The following LRMDA variants were observed in gnomAD, a reference collection of about 807,000 sequenced individuals.
LRMDA encodes the protein leucine rich melanocyte differentiation associated.
Under a neutral mutation model 29.8 loss-of-function variants are expected in LRMDA, and 18 were observed. The ratio of observed to expected loss-of-function variants is 0.60; its 90% CI spans 0.42 to 0.90. The LOEUF is 0.90. Among genes scored for constraint, LRMDA ranks in the 40% least tolerant of loss-of-function variants. The pLI is 0.00. For synonymous variants in LRMDA, 125 were observed against 109.4 expected (o/e 1.14, Z -0.89); for missense variants, 273 against 273.9 (o/e 1.00, Z 0.02).
chr10:75,631,856 A>G (rs1277281566), intron 2 of LRMDA, among the ~76,000 whole-genome samples: 1 of 152,154 alleles, frequency 6.6e-6, no homozygotes, highest in Non-Finnish European at 1.5e-5. Flanking sequence ...TCTGGAGGGT[A>G]AAGCTGTTTC....
chr10:75,837,085 T>C (rs1231056383), intron 2 of LRMDA, among the ~76,000 whole-genome samples: 1 of 152,174 alleles, frequency 6.6e-6, no homozygotes, highest in East Asian at 1.9e-4. Context: ...TTGATATAGA[T>C]ATAGATATTG....
intron 5 of LRMDA, among the ~76,000 whole-genome samples, chr10:76,264,895 T>C (rs563158758): frequency 6.6e-6 from 1 of 152,298 alleles, no homozygotes; most frequent in South Asian, 2.1e-4. Flanking sequence ...CCTGAAACTG[T>C]CTGTGATAGT....
intron 6 of LRMDA, among the ~76,000 whole-genome samples, chr10:76,357,270 G>A (rs1391703401): frequency 6.6e-6 from 1 of 152,106 alleles, no homozygotes; most frequent in Admixed American, 6.5e-5. Flanking sequence ...GGATCTGAGT[G>A]GGACTCAGAA....
chr10:76,216,599 A>G (rs1564688986), intron 5 of LRMDA, among the ~76,000 whole-genome samples: 2 of 152,232 alleles, frequency 1.3e-5, no homozygotes, highest in Non-Finnish European at 2.9e-5. Flanking sequence ...GGAATTAAAA[A>G]GGAAATGTAA....
chr10:76,111,346 C>T (rs1344781799), intron 5 of LRMDA, among the ~76,000 whole-genome samples: 1 of 152,266 alleles, frequency 6.6e-6, no homozygotes, highest in East Asian at 1.9e-4. Flanking sequence ...CAGCATAATG[C>T]TTGGACGAAG....
chr10:76,222,900 A>C (rs2132260307), intron 5 of LRMDA, among the ~76,000 whole-genome samples: 1 of 152,310 alleles, frequency 6.6e-6, no homozygotes, highest in South Asian at 2.1e-4. Context: ...GATTAAGAAA[A>C]TGTGGCACAT....
chr10:75,540,328 C>T (rs1327228558), intron 2 of LRMDA, among the ~76,000 whole-genome samples: 1 of 152,198 alleles, frequency 6.6e-6, no homozygotes, highest in Non-Finnish European at 1.5e-5. Context: ...GTTTGAGTAA[C>T]AGCAAAGCAA....
intron 6 of LRMDA, among the ~76,000 whole-genome samples, chr10:76,423,042 C>T (rs968392926): frequency 5.3e-5 from 8 of 152,172 alleles, no homozygotes; most frequent in Admixed American, 1.3e-4. Flanking sequence ...ATGCAAAAGA[C>T]GTGAATGTCC....
intron 6 of LRMDA, among the ~76,000 whole-genome samples, chr10:76,530,810 G>A (rs762806330): frequency 5.3e-5 from 8 of 152,214 alleles, no homozygotes; most frequent in East Asian, 1.9e-4. Flanking sequence ...GAGCTAGACC[G>A]TACTCCACGT....
intron 5 of LRMDA, among the ~76,000 whole-genome samples, chr10:76,303,633 T>C (rs2132365485): frequency 6.6e-6 from 1 of 152,222 alleles, no homozygotes; most frequent in South Asian, 2.1e-4. Context: ...GCTAATAAAA[T>C]TGTTGAACTC....
chr10:75,886,544 A>C (rs1352229041), intron 2 of LRMDA, among the ~76,000 whole-genome samples: 3 of 151,948 alleles, frequency 2.0e-5, no homozygotes, highest in African/African-American at 7.3e-5. Context: ...ATAATCACAT[A>C]TTTTCTATGT....
intron 5 of LRMDA, among the ~76,000 whole-genome samples, chr10:76,313,115 C>T (rs1046392755): frequency 6.6e-6 from 1 of 152,058 alleles, no homozygotes; most frequent in African/African-American, 2.4e-5. Context: ...ATTTGTGTCC[C>T]AGCTCTGCCA....
intron 5 of LRMDA, among the ~76,000 whole-genome samples, chr10:76,065,714 T>C (rs1245833767): frequency 6.6e-6 from 1 of 152,242 alleles, no homozygotes; most frequent in Non-Finnish European, 1.5e-5. Context: ...ATTGCATTGT[T>C]TGTCTAAAAC....
chr10:76,297,119 G>T (rs1454637324), intron 5 of LRMDA, among the ~76,000 whole-genome samples: 1 of 152,188 alleles, frequency 6.6e-6, no homozygotes, highest in Non-Finnish European at 1.5e-5. Context: ...CCTTCTGCCT[G>T]TTCTCATGGC....
intron 2 of LRMDA, among the ~76,000 whole-genome samples, chr10:75,670,148 A>G (rs752519092): frequency 6.6e-6 from 1 of 152,220 alleles, no homozygotes; most frequent in Non-Finnish European, 1.5e-5. Context: ...TAATGTTCCT[A>G]CTTTGTCACT....
chr10:75,750,923 G>A (rs898681710), intron 2 of LRMDA, among the ~76,000 whole-genome samples: 2 of 152,174 alleles, frequency 1.3e-5, no homozygotes, highest in Non-Finnish European at 2.9e-5. Context: ...TGGCGGCCGG[G>A]CAGAGGCTGC....
chr10:75,992,996 T>G (rs11001568), intron 2 of LRMDA, among the ~76,000 whole-genome samples: 38,539 of 152,056 alleles, frequency 0.25, 5,267 homozygotes, highest in South Asian at 0.44. Flanking sequence ...AAATGAAAAT[T>G]AATAAGGTGG....
chr10:75,889,236 C>T (rs181303066), intron 2 of LRMDA, among the ~76,000 whole-genome samples: 9 of 152,252 alleles, frequency 5.9e-5, no homozygotes, highest in Admixed American at 3.3e-4. Context: ...ATGTAATCTC[C>T]CAAGCATGTG....
intron 2 of LRMDA, among the ~76,000 whole-genome samples, chr10:75,877,233 T>G (rs1845213296): frequency 6.6e-6 from 1 of 152,230 alleles, no homozygotes; most frequent in South Asian, 2.1e-4. Flanking sequence ...CCCCTTTCCT[T>G]AATGAGCTAA....
Sources: allele counts gnomAD v4.1 joint callset (sites outside exome capture counted in the v4.1 genomes callset), GRCh38; gene constraint gnomAD v4.1.1; transcripts MANE v1.5; gene names NCBI Gene and HGNC (gene_info 2026-07-23, HGNC 2026-07-21).